AUTS2: variants seen among roughly 807,000 people sequenced by gnomAD.
AUTS2 encodes the protein activator of transcription and developmental regulator AUTS2, also known as autism susceptibility gene 2 protein.
AUTS2 carries 17 observed loss-of-function variants against 112.4 expected under a neutral mutation model. That is an observed-to-expected ratio of 0.15 (90% confidence interval 0.10 to 0.23). The LOEUF (loss-of-function observed/expected upper bound fraction) is 0.23, where lower values mean the gene tolerates loss of function less well. AUTS2 is among the 10% of genes least tolerant of loss of function. AUTS2 has a pLI of 1.00. For synonymous variants in AUTS2, 751 were observed against 702.7 expected (o/e 1.07, Z -1.09); for missense variants, 1,510 against 1,701.6 (o/e 0.89, Z 1.98).
chr7:70,310,459 A>C (rs544600900), intron 4 of AUTS2, among the ~76,000 whole-genome samples: 1 of 152,196 alleles, frequency 6.6e-6, no homozygotes, highest in East Asian at 1.9e-4. Flanking sequence ...AAAAATACAA[A>C]AAAATTAGCT....
intron 2 of AUTS2, among the ~76,000 whole-genome samples, chr7:70,017,495 C>A (rs541315715): frequency 3.0e-4 from 46 of 152,338 alleles, no homozygotes; most frequent in African/African-American, 1.0e-3. Flanking sequence ...CTCCTCCGAG[C>A]TTTATGCTGT....
chr7:69,988,580 G>A (rs1284458027), intron 2 of AUTS2, among the ~76,000 whole-genome samples: 1 of 126,008 alleles, frequency 7.9e-6, no homozygotes, highest in East Asian at 2.2e-4. Context: ...TTTATGCATT[G>A]CTTTTTTTTG....
chr7:70,776,611 G>A (rs1790709817), intron 13 of AUTS2: 1 of 160,850 alleles, frequency 6.2e-6, no homozygotes, highest in Admixed American at 6.4e-5. Context: ...CCACTTTGGG[G>A]GTTAAAATAA....
chr7:70,232,558 C>G (rs1292193439), intron 4 of AUTS2, among the ~76,000 whole-genome samples: 4 of 152,134 alleles, frequency 2.6e-5, no homozygotes, highest in Non-Finnish European at 5.9e-5. Flanking sequence ...CGCATACCAC[C>G]ATGCCCAGCT....
chr7:70,072,290 A>G (rs1025889670), intron 2 of AUTS2, among the ~76,000 whole-genome samples: 6 of 152,174 alleles, frequency 3.9e-5, no homozygotes, highest in Non-Finnish European at 7.3e-5. Flanking sequence ...GCCTAGCATG[A>G]GGCCTGAGTT....
chr7:70,076,230 A>G (rs1429624382), intron 2 of AUTS2, among the ~76,000 whole-genome samples: 1 of 151,992 alleles, frequency 6.6e-6, no homozygotes, highest in Non-Finnish European at 1.5e-5. Context: ...GAGTTGGCAT[A>G]AAAAAAAGCA....
chr7:70,414,801 G>C (rs924107150), intron 4 of AUTS2, among the ~76,000 whole-genome samples: 4 of 152,138 alleles, frequency 2.6e-5, no homozygotes, highest in Non-Finnish European at 4.4e-5. Context: ...TAGCCCCAGT[G>C]GCTGCTGGGG....
At chr7:70,433,254 C>T (rs899717685) in intron 4 of AUTS2, among the ~76,000 whole-genome samples, 1 of 152,208 alleles carries the variant, frequency 6.6e-6, no homozygotes, top group African/African-American at 2.4e-5. Context: ...CTACCCCACT[C>T]CTCGTCCTCC....
chr7:69,671,269 A>C (rs1345923068), intron 1 of AUTS2, among the ~76,000 whole-genome samples: 1 of 152,208 alleles, frequency 6.6e-6, no homozygotes, highest in Admixed American at 6.5e-5. Flanking sequence ...TCCTGGTTCC[A>C]GCACTCATTT....
intron 1 of AUTS2, among the ~76,000 whole-genome samples, chr7:69,845,496 CTT>C (rs1364751248): frequency 1.3e-5 from 2 of 152,090 alleles, no homozygotes; most frequent in Non-Finnish European, 2.9e-5. Flanking sequence ...CAGTGATGCT[CTT>C]GTGTGAAGTA....
chr7:70,453,607 C>T (rs955598842), intron 5 of AUTS2, among the ~76,000 whole-genome samples: 15 of 152,240 alleles, frequency 9.9e-5, no homozygotes, highest in African/African-American at 3.6e-4. Context: ...AGCAGGGCCA[C>T]ATTCCTCCCA....
chr7:69,910,687 G>A (rs1795317218), intron 2 of AUTS2, among the ~76,000 whole-genome samples: 1 of 152,078 alleles, frequency 6.6e-6, no homozygotes, highest in South Asian at 2.1e-4. Flanking sequence ...GGAGTGTAGT[G>A]GTGTGATCTC....
intron 4 of AUTS2, among the ~76,000 whole-genome samples, chr7:70,232,254 T>G (rs1270328277): frequency 6.6e-6 from 1 of 152,210 alleles, no homozygotes; most frequent in African/African-American, 2.4e-5. Context: ...TGCCACAGTT[T>G]CCTTATTGTG....
At chr7:69,743,243 C>T (rs1787343784) in intron 1 of AUTS2, among the ~76,000 whole-genome samples, 1 of 152,148 alleles carries the variant, frequency 6.6e-6, no homozygotes, top group South Asian at 2.1e-4. Flanking sequence ...GTTGTAAAGA[C>T]TAGATGGGTT....
At chr7:69,669,195 G>A (rs1433292359) in intron 1 of AUTS2, among the ~76,000 whole-genome samples, 1 of 152,114 alleles carries the variant, frequency 6.6e-6, no homozygotes, top group Non-Finnish European at 1.5e-5. Context: ...AGTAGAAAAT[G>A]TTATCAGTAA....
chr7:69,609,186 G>A (rs1437195142), intron 1 of AUTS2, among the ~76,000 whole-genome samples: 1 of 152,164 alleles, frequency 6.6e-6, no homozygotes, highest in Non-Finnish European at 1.5e-5. Flanking sequence ...CTAGGAGTCT[G>A]CTTCTTGTAA....
intron 4 of AUTS2, among the ~76,000 whole-genome samples, chr7:70,150,653 G>C (rs895441999): frequency 1.3e-5 from 2 of 152,114 alleles, no homozygotes; most frequent in African/African-American, 4.8e-5. Flanking sequence ...TTTGTAGTTA[G>C]CATTTTCATT....
At chr7:70,739,612 C>T (rs1787985111) in intron 6 of AUTS2, among the ~76,000 whole-genome samples, 1 of 152,032 alleles carries the variant, frequency 6.6e-6, no homozygotes, top group Non-Finnish European at 1.5e-5. Flanking sequence ...AAAGCTAATT[C>T]TAAATAACTA....
chr7:70,231,899 G>A (rs913429177), intron 4 of AUTS2, among the ~76,000 whole-genome samples: 3 of 151,772 alleles, frequency 2.0e-5, no homozygotes, highest in Non-Finnish European at 2.9e-5. Context: ...TCAGCTTCCC[G>A]AGTAGCTGGG....
Sources: allele counts gnomAD v4.1 joint callset (sites outside exome capture counted in the v4.1 genomes callset), GRCh38; gene constraint gnomAD v4.1.1; transcripts MANE v1.5; gene names NCBI Gene and HGNC (gene_info 2026-07-23, HGNC 2026-07-21).